Variants in MAP3K20 observed in about 807,000 individuals in gnomAD.
MAP3K20 encodes HCCS-4.
In MAP3K20, 40 loss-of-function variants were observed where a neutral mutation model predicts 85.7. That is an observed-to-expected ratio of 0.47 (90% CI 0.36 to 0.61). The LOEUF is 0.61. Among genes scored for constraint, MAP3K20 ranks in the 20% least tolerant of loss-of-function variants. MAP3K20 has a pLI of 0.00. For missense variants in MAP3K20, 817 were observed against 961.7 expected (o/e 0.85, Z 1.99); for synonymous variants, 325 against 327.7 (o/e 0.99, Z 0.09).
chr2:173,099,029 A>T (rs1279927042), intron 2 of MAP3K20, among the ~76,000 whole-genome samples: 1 of 152,214 alleles, frequency 6.6e-6, no homozygotes, highest in Non-Finnish European at 1.5e-5. Flanking sequence ...ATCATATGCT[A>T]AATACAGACA....
intron 16 of MAP3K20, 43 bp from the exon 17 acceptor site, chr2:173,258,656 T>G (rs184691912): frequency 9.9e-6 from 12 of 1,210,080 alleles, no homozygotes; most frequent in South Asian, 5.3e-5. Context: ...AAAAAAAAAT[T>G]GTTTCACTTT....
chr2:173,116,942 A>G (rs1559237869), intron 2 of MAP3K20, among the ~76,000 whole-genome samples: 1 of 152,228 alleles, frequency 6.6e-6, no homozygotes, highest in African/African-American at 2.4e-5. Flanking sequence ...AGCTCCTTTG[A>G]AAAAGAAGCA....
chr2:173,248,543 T>G (rs1041381874), intron 16 of MAP3K20, among the ~76,000 whole-genome samples: 1 of 152,234 alleles, frequency 6.6e-6, no homozygotes, highest in Non-Finnish European at 1.5e-5. Context: ...GTCAAATGGG[T>G]TGGACAGCCA....
chr2:173,236,964 C>A (rs1390443633), intron 14 of MAP3K20, among the ~76,000 whole-genome samples: 1 of 149,448 alleles, frequency 6.7e-6, no homozygotes, highest in African/African-American at 2.5e-5. Context: ...CTCCAAGAGT[C>A]TCTCAGTCCT....
chr2:173,182,905 A>C lies in MAP3K20; in HGVS notation c.299A>C (p.Glu100Ala). 1 of 1,611,066 alleles carries C rather than the reference A, an allele frequency of 6.2e-7. No homozygotes were observed. Among genetic ancestry groups the C allele is most frequent in the Non-Finnish European group, 8.5e-7 (1 of 1,178,814 alleles). The change falls in exon 4 of 20, where the codon GAG becomes GCG. Residue 100 changes from glutamate (E) to alanine (A), a missense_variant. Coordinates refer to ENST00000375213, the MANE Select transcript of MAP3K20 (RefSeq NM_016653.3). ...LYDYINSNRS[E>A]EMDMDHIMTW... ...GATTACATTAACAGTAACAGAAGTG[A>C]GGAGATGGATATGGATCACATTATG...
chr2:173,097,030 A>G (rs1687481551), intron 2 of MAP3K20, among the ~76,000 whole-genome samples: 1 of 152,216 alleles, frequency 6.6e-6, no homozygotes, highest in African/African-American at 2.4e-5. Flanking sequence ...GCTACTGCCC[A>G]GAGGAGAACA....
chr2:173,140,855 A>G (rs542048724), intron 2 of MAP3K20, among the ~76,000 whole-genome samples: 2 of 152,266 alleles, frequency 1.3e-5, no homozygotes, highest in South Asian at 2.1e-4. Flanking sequence ...TGCATATAAA[A>G]CTGGTGAAAT....
intron 2 of MAP3K20, among the ~76,000 whole-genome samples, chr2:173,153,035 C>T (rs1689352839): frequency 6.6e-6 from 1 of 152,194 alleles, no homozygotes; most frequent in African/African-American, 2.4e-5. Context: ...TATTGCTAAT[C>T]TCTAAGTTTT....
chr2:173,143,062 A>G (rs1689023769), intron 2 of MAP3K20, among the ~76,000 whole-genome samples: 1 of 152,164 alleles, frequency 6.6e-6, no homozygotes, highest in Admixed American at 6.5e-5. Context: ...AAATAAAACA[A>G]GACCCAACTA....
intron 2 of MAP3K20, among the ~76,000 whole-genome samples, chr2:173,121,407 A>G (rs533606985): frequency 6.6e-6 from 1 of 152,262 alleles, no homozygotes; most frequent in Non-Finnish European, 1.5e-5. Context: ...TTTGTTTTTG[A>G]GACGGACTCT....
At chr2:173,168,561 T>A (rs757847783) in intron 2 of MAP3K20, among the ~76,000 whole-genome samples, 33 of 152,138 alleles carry the variant, frequency 2.2e-4, no homozygotes, top group Non-Finnish European at 4.6e-4. Context: ...GTGTACACAT[T>A]CCCAAAGGGG....
rs776697881 is a variant in MAP3K20 at position 173,203,826 on chromosome 2, A to G, written c.700A>G (p.Ser234Gly). 3.1e-6 allele frequency: 5 copies of G among 1,613,904 alleles called. No individual in the cohort carries two copies. In the East Asian group the frequency reaches 1.1e-4, roughly 36 times the overall value. ...RLTIPSSCPR[S>G]FAELLHQCWE... The stretch of plus-strand genomic sequence containing the variant: ...AACCATTCCAAGCAGTTGCCCCAGA[A>G]GTTTTGCTGAACTGTTACATCAGTG... Residue 234 changes from serine (S) to glycine (G), a missense_variant, in exon 9 of 20, where the codon AGT becomes GGT. Around this residue, in one of 4 missense-constraint regions of MAP3K20, gnomAD observed 200 missense variants for 302.7 expected, o/e 0.66. Transcript: ENST00000375213.
intron 16 of MAP3K20, among the ~76,000 whole-genome samples, chr2:173,254,950 CTT>C (rs796568312): frequency 2.6e-5 from 4 of 152,310 alleles, no homozygotes; most frequent in African/African-American, 9.6e-5. Flanking sequence ...AGCATATTCT[CTT>C]TCTCTCTTAC....
intron 2 of MAP3K20, chr2:173,166,485 G>T (rs1013255608): frequency 6.6e-6 from 1 of 151,770 alleles, no homozygotes; most frequent in Non-Finnish European, 1.5e-5. Flanking sequence ...TAGTCTTCCA[G>T]ATTTCACATG....
At chr2:173,154,055 A>C (rs1172297948) in intron 2 of MAP3K20, among the ~76,000 whole-genome samples, 1 of 151,924 alleles carries the variant, frequency 6.6e-6, no homozygotes, top group Non-Finnish European at 1.5e-5. Flanking sequence ...ATATGTTAGC[A>C]GTCACACTGC....
chr2:173,156,184 A>G (rs760996838), intron 2 of MAP3K20, among the ~76,000 whole-genome samples: 7 of 152,228 alleles, frequency 4.6e-5, no homozygotes, highest in Non-Finnish European at 1.0e-4. Flanking sequence ...TTGAGCTGCC[A>G]TATTGGGATT....
intron 7 of MAP3K20, among the ~76,000 whole-genome samples, chr2:173,191,617 T>C (rs1690653370): frequency 6.6e-6 from 1 of 152,216 alleles, no homozygotes; most frequent in South Asian, 2.1e-4. Context: ...CAGGAAACTT[T>C]TGAGTCTCAA....
chr2:173,222,599 T>C, intron 11 of MAP3K20: 1 of 985,478 alleles, frequency 1.0e-6, no homozygotes, highest in Non-Finnish European at 1.2e-6. Context: ...GTTTGTTTTT[T>C]AGAGGGGCAT....
intron 2 of MAP3K20, among the ~76,000 whole-genome samples, chr2:173,134,769 T>C (rs1347258760): frequency 6.6e-6 from 1 of 152,080 alleles, no homozygotes; most frequent in Non-Finnish European, 1.5e-5. Flanking sequence ...CCATCCTTAT[T>C]ATGCTTAATA....
Sources: gnomAD v4.1 joint callset for allele counts (sites outside exome capture counted in the v4.1 genomes callset) on GRCh38, gnomAD v4.1.1 for gene constraint, gnomAD v4.1.1 regional missense constraint, MANE v1.5 for transcripts, NCBI Gene and HGNC (gene_info 2026-07-23, HGNC 2026-07-21) for gene names.